Variants in FBN1 observed in about 807,000 individuals in gnomAD.
FBN1 encodes fibrillin 1, also known as fibrillin-1.
Under a neutral mutation model 365.1 loss-of-function variants are expected in FBN1, and 29 were observed. The ratio of observed to expected loss-of-function variants is 0.08; its 90% CI spans 0.06 to 0.11. FBN1 has a LOEUF of 0.11. Ranked by LOEUF, FBN1 falls within the 10% of genes least tolerant of loss-of-function variation. FBN1 has a pLI of 1.00. For missense variants in FBN1, 2,476 were observed against 3,703.2 expected (o/e 0.67, Z 8.60); for synonymous variants, 1,210 against 1,270.5 (o/e 0.95, Z 1.01).
intron 5 of FBN1, among the ~76,000 whole-genome samples, chr15:48,599,375 AG>A (rs1485915581): frequency 6.6e-6 from 1 of 152,190 alleles, no homozygotes; most frequent in Non-Finnish European, 1.5e-5. Context: ...TAAGTGAAAA[AG>A]TGGTACAAAA....
chr15:48,577,408 A>C (rs936013628), intron 6 of FBN1, among the ~76,000 whole-genome samples: 36 of 152,182 alleles, frequency 2.4e-4, no homozygotes, highest in Non-Finnish European at 5.9e-5. Flanking sequence ...TTTCTCTTGT[A>C]TAATTTGAGT....
At chr15:48,524,603 A>C (rs1021361115) in intron 9 of FBN1, among the ~76,000 whole-genome samples, 3 of 152,114 alleles carry the variant, frequency 2.0e-5, no homozygotes, top group Non-Finnish European at 4.4e-5. Flanking sequence ...TTGCCTAGGG[A>C]TCTGGCAAGA....
At chr15:48,516,720 T>G (rs1235264121) in intron 10 of FBN1, among the ~76,000 whole-genome samples, 1 of 152,196 alleles carries the variant, frequency 6.6e-6, no homozygotes, top group Non-Finnish European at 1.5e-5. Flanking sequence ...AATTTGAATT[T>G]TATTTTATGC....
At chr15:48,441,150 T>C (rs1049165650) in intron 50 of FBN1, among the ~76,000 whole-genome samples, 3 of 152,214 alleles carry the variant, frequency 2.0e-5, no homozygotes, top group Non-Finnish European at 2.9e-5. Flanking sequence ...GTTTAAAATT[T>C]GAAAGTCATT....
At chr15:48,579,023 A>G (rs577693008) in intron 6 of FBN1, among the ~76,000 whole-genome samples, 20 of 144,468 alleles carry the variant, frequency 1.4e-4, no homozygotes, top group African/African-American at 5.5e-4. Flanking sequence ...AATAAAAATA[A>G]AAAAGGGGAA....
At position 48,596,376 on chromosome 15, in the gene FBN1, C is replaced by T. The variant is rs2044516169; in HGVS notation, c.445G>A (p.Val149Ile). Residue 149 changes from valine to isoleucine, a missense_variant and splice_region_variant, in exon 6 of 66, where the codon GTT (valine) becomes ATT (isoleucine). Physicochemically the swap from Val to Ile is conservative, Grantham distance 29. Transcript: ENST00000316623. ...CCATTGAGACAGCCACTTTCACAAA[C>T]AGCTGTAAAATAAGGAGAGAGCTGA... ...GYIGTHCGQP[V>I]CESGCLNGGR... The T allele has an allele frequency of 6.2e-7, 1 of 1,613,852 alleles. No homozygotes were observed. Among genetic ancestry groups the T allele is most frequent in the African/African-American group, 1.3e-5 (1 of 75,020 alleles).
chr15:48,608,719 T>C (rs950972885), intron 4 of FBN1, among the ~76,000 whole-genome samples: 1 of 152,146 alleles, frequency 6.6e-6, no homozygotes, highest in Non-Finnish European at 1.5e-5. Context: ...TCAGACTTCC[T>C]CAGAAAGCAC....
intron 6 of FBN1, among the ~76,000 whole-genome samples, chr15:48,545,214 TATAAAAATTGTCA>T (rs1161511785): frequency 3.3e-5 from 5 of 152,222 alleles, no homozygotes; most frequent in Non-Finnish European, 7.3e-5. Context: ...TATGATTAAA[TATAAAAATTGTCA>T]GGGGCAACAT....
rs1291255001 is a variant in FBN1 at position 48,488,490 on chromosome 15, A to G, written c.3086T>C (p.Ile1029Thr). The part of the protein sequence containing the change: ...ITNGKPFFKD[I>T]NECKMIPSLC... Reference sequence around the variant, plus strand: ...GCTGGGTATCATCTTGCACTCATTGATATCTTCAAGAATAAGAAAATGTGG... The same window carrying G: ...GCTGGGTATCATCTTGCACTCATTGGTATCTTCAAGAATAAGAAAATGTGG... Residue 1029 changes from isoleucine (I) to threonine (T), a missense_variant, in exon 26 of 66, where the codon ATC (isoleucine) becomes ACC (threonine). Coordinates refer to ENST00000316623, the MANE Select transcript of FBN1 (RefSeq NM_000138.5). 6.2e-7 allele frequency: 1 copy of G among 1,613,630 alleles called. No individual in the cohort carries two copies. Among genetic ancestry groups the G allele is most frequent in the African/African-American group, 1.3e-5 (1 of 74,902 alleles).
chr15:48,531,263 TTC>T (rs2043970529), intron 8 of FBN1, among the ~76,000 whole-genome samples: 1 of 152,218 alleles, frequency 6.6e-6, no homozygotes. Context: ...TCCGTAACAT[TTC>T]TTTTTTTTTT....
intron 13 of FBN1, among the ~76,000 whole-genome samples, chr15:48,511,940 C>T (rs890826000): frequency 6.6e-6 from 1 of 152,078 alleles, no homozygotes; most frequent in Non-Finnish European, 1.5e-5. Flanking sequence ...TCTGTTATTG[C>T]AAAATGCCTA....
At position 48,474,564 on chromosome 15, in the gene FBN1, T is replaced by C; in HGVS notation, c.4051A>G (p.Ser1351Gly). Residue 1351 changes from serine (S) to glycine (G), a missense_variant, in exon 33 of 66, where the codon AGT (serine) becomes GGT (glycine). Transcript: ENST00000316623. ...ATGCCATCTCCAATCCACCCGGGAC[T>C]GCAGCTACATTTGAAGCTTCCTGCT... The part of the protein sequence containing the change: ...NTAGSFKCSC[S>G]PGWIGDGIKC... The C allele has an allele frequency of 6.2e-7, 1 of 1,614,206 alleles. No homozygotes were observed. The highest frequency in any genetic ancestry group is 8.5e-7 in the Non-Finnish European group (1 of 1,180,016).
chr15:48,450,017 T>C (rs1211700039), intron 45 of FBN1, among the ~76,000 whole-genome samples: 1 of 152,178 alleles, frequency 6.6e-6, no homozygotes, highest in East Asian at 1.9e-4. Context: ...TGAAGTGGAG[T>C]ATATCATTAT....
rs564919605 is a variant in FBN1 at position 48,412,844 on chromosome 15, A to C, written c.8052-101T>G. ...AGCCTGTTCCTTGCAGTTGTGAGATACAGCCCTTGCTTGTCCACTGGAGGA... is the reference window on the plus strand; with the variant it reads ...AGCCTGTTCCTTGCAGTTGTGAGATCCAGCCCTTGCTTGTCCACTGGAGGA... On this transcript the variant is annotated intron_variant, in intron 64 of 65. Transcript: ENST00000316623. The C allele has an allele frequency of 6.7e-5, 94 of 1,400,622 alleles. No individual in the cohort carries two copies. The South Asian group carries it at 1.0e-3, about 15-fold the overall frequency. The allele number at this position is 1,400,622 out of a possible 1,614,324, so 86.8% of individuals were successfully genotyped here. A position where few individuals can be genotyped will look rare whatever the true frequency, so the allele number is the denominator to read the frequency against.
Position 48,456,871 on chromosome 15 carries a change from T to TGTGTGTGTGTGTGTGCGCGC in FBN1, c.5297-110_5297-109insGCGCGCACACACACACACAC. The TGTGTGTGTGTGTGTGCGCGC allele has an allele frequency of 2.8e-6, 3 of 1,083,616 alleles. No individual in the cohort carries two copies. The South Asian group carries it at 3.8e-5, about 14-fold the overall frequency. The allele number at this position is 1,083,616 out of a possible 1,614,324, so 67.1% of individuals were successfully genotyped here. A position where few individuals can be genotyped will look rare whatever the true frequency, so the allele number is the denominator to read the frequency against. On this transcript the variant is annotated intron_variant, in intron 43 of 65. Transcript: ENST00000316623. The stretch of plus-strand genomic sequence containing the variant: ...GTGTGTGTGTGTGTGTGTGTGTGTG[T>TGTGTGTGTGTGTGTGCGCGC]GCGTGCATGTGTTGGGGTGGTGGTG...
At chr15:48,441,316 G>A (rs537251233) in intron 50 of FBN1, among the ~76,000 whole-genome samples, 5 of 152,258 alleles carry the variant, frequency 3.3e-5, no homozygotes, top group African/African-American at 1.2e-4. Context: ...GGGGGCAAAT[G>A]GGTTAATGTG....
chr15:48,497,663 G>A (rs1425382440), intron 18 of FBN1, among the ~76,000 whole-genome samples: 4 of 151,330 alleles, frequency 2.6e-5, no homozygotes, highest in African/African-American at 9.7e-5. Flanking sequence ...AGACCTCCTG[G>A]ACTTCTCCTA....
At chr15:48,473,313 A>G (rs2043392982) in intron 34 of FBN1, among the ~76,000 whole-genome samples, 1 of 152,214 alleles carries the variant, frequency 6.6e-6, no homozygotes, top group South Asian at 2.1e-4. Context: ...TTGTGCTTAA[A>G]TGACTTTTTA....
chr15:48,628,974 G>T (rs556264587), intron 2 of FBN1, among the ~76,000 whole-genome samples: 8 of 152,138 alleles, frequency 5.3e-5, no homozygotes, highest in African/African-American at 1.9e-4. Context: ...CAAATACAGG[G>T]GACTGAGAAA....
Sources: allele counts gnomAD v4.1 joint callset (sites outside exome capture counted in the v4.1 genomes callset), GRCh38; gene constraint gnomAD v4.1.1; transcripts MANE v1.5; gene names NCBI Gene and HGNC (gene_info 2026-07-23, HGNC 2026-07-21).